The following RASGRP2 variants were observed in gnomAD, a reference collection of about 807,000 sequenced individuals.
RASGRP2 encodes the protein RAS guanyl-releasing protein 2.
A neutral mutation model predicts 71.0 loss-of-function variants in RASGRP2; 44 were observed. The ratio of observed to expected loss-of-function variants is 0.62; its 90% CI spans 0.49 to 0.80. The LOEUF is 0.80. RASGRP2 is among the 30% of genes least tolerant of loss of function. The pLI is 0.00. For missense variants in RASGRP2, 663 were observed against 813.4 expected, an observed-to-expected ratio of 0.82 and a Z score of 2.25; for synonymous variants, 350 against 330.7, an observed-to-expected ratio of 1.06 and a Z score of -0.63.
chr11:64,739,820 G>A lies in RASGRP2; in HGVS notation c.523-11C>T, dbSNP rs1197298751. The A allele has an allele frequency of 8.7e-6, 14 of 1,613,410 alleles. No individual in the cohort carries two copies. The highest frequency in any genetic ancestry group is 1.0e-5 in the Non-Finnish European group (12 of 1,179,876). Reference sequence around the variant, plus strand: ...GTGATAGTCCTGAAACTGGGGGCATGAGGAGTGGCCTCAGCACCTTGCTGG... The same window carrying A: ...GTGATAGTCCTGAAACTGGGGGCATAAGGAGTGGCCTCAGCACCTTGCTGG... On this transcript the variant is annotated splice_polypyrimidine_tract_variant and intron_variant, in intron 6 of 16. Transcript: ENST00000394432. This position sits in a 1 kb window ranked among gnomAD's most constrained non-coding sequence, Gnocchi z 4.2.
chr11:64,736,087 G>C, intron 9 of RASGRP2, 107 bp from the exon 10 acceptor site: 2 of 857,706 alleles, frequency 2.3e-6, no homozygotes, highest in South Asian at 2.8e-5. Flanking sequence ...GCTCGGGTCA[G>C]AAGCTAGACT....
chr11:64,735,310 G>A lies in RASGRP2; in HGVS notation c.1297-83C>T. On this transcript the variant is annotated intron_variant, in intron 11 of 16. Coordinates refer to ENST00000394432, the MANE Select transcript of RASGRP2 (RefSeq NM_001098671.2). The surrounding 1 kb of genome is among the most constrained non-coding windows in gnomAD (Gnocchi z 4.2). ...GGTCCTGTCCCTTCCCACGTTCCCA[G>A]TCCATTTGATGAGGTGTGTCTCAGA... 1 of 1,300,404 alleles carries A rather than the reference G, an allele frequency of 7.7e-7. No homozygotes were observed. The highest frequency in any genetic ancestry group is 1.1e-6 in the Non-Finnish European group (1 of 901,940). The allele number at this position is 1,300,404 out of a possible 1,614,324, so 80.6% of individuals were successfully genotyped here.
chr11:64,728,580 A>C (rs1420028149), intron 15 of RASGRP2, among the ~76,000 whole-genome samples: 14 of 151,328 alleles, frequency 9.3e-5, no homozygotes, highest in South Asian at 2.1e-4. Context: ...GGCGTCCGCC[A>C]CCACGCCTGG....
At chr11:64,730,914 G>A (rs371745383) in intron 12 of RASGRP2, among the ~76,000 whole-genome samples, 4 of 152,322 alleles carry the variant, frequency 2.6e-5, no homozygotes, top group Non-Finnish European at 4.4e-5. Flanking sequence ...AACAGTGTCT[G>A]CACAGATAGG....
chr11:64,737,273 G>T, intron 8 of RASGRP2: 1 of 565,124 alleles, frequency 1.8e-6, no homozygotes, highest in Non-Finnish European at 3.2e-6. Context: ...TGGATGCAGG[G>T]AATCATCAAC....
In RASGRP2 at chr11:64,727,088, A is replaced by G. The variant is rs1310842740; in HGVS notation, c.*50T>C. The stretch of plus-strand genomic sequence containing the variant: ...CCCCCAGGCTCCCTGCTCTGGTTGA[A>G]GTATTTTCTCCAAGGCAGGAATGAG... On this transcript the variant is annotated 3_prime_UTR_variant, in exon 17 of 17. Coordinates refer to ENST00000394432, the MANE Select transcript of RASGRP2 (RefSeq NM_001098671.2). The G allele has an allele frequency of 5.5e-6, 3 of 543,428 alleles. No individual in the cohort carries two copies. In the African/African-American group the frequency reaches 5.7e-5, roughly 10 times the overall value. 33.7% of individuals were successfully genotyped at this position (543,428 alleles called of 1,614,324 possible).
chr11:64,734,555 AT>A (rs1255399706), intron 12 of RASGRP2, among the ~76,000 whole-genome samples: 8 of 152,122 alleles, frequency 5.3e-5, no homozygotes, highest in Non-Finnish European at 7.4e-5. Context: ...AAAACAACAG[AT>A]TTTTGAAATA....
At position 64,735,027 on chromosome 11, in the gene RASGRP2, C is replaced by T; in HGVS notation, c.1412+85G>A. 1.9e-6 allele frequency: 2 copies of T among 1,076,778 alleles called. No homozygotes were observed. Among genetic ancestry groups the T allele is most frequent in the Admixed American group, 1.7e-5 (1 of 58,224 alleles). The allele number at this position is 1,076,778 out of a possible 1,614,324, so 66.7% of individuals were successfully genotyped here. ...GGCCAAGATCATCTGGCTCAGTGAC[C>T]TCATCTTGCACACAAGAAACTGAAG... On this transcript the variant is annotated intron_variant, in intron 12 of 16. Coordinates refer to ENST00000394432, the MANE Select transcript of RASGRP2 (RefSeq NM_001098671.2). The surrounding 1 kb of genome is among the most constrained non-coding windows in gnomAD (Gnocchi z 4.2).
Position 64,736,634 on chromosome 11 carries a change from G to A in RASGRP2, c.1095+119C>T, listed in dbSNP as rs1426768270. On this transcript the variant is annotated intron_variant, in intron 9 of 16. Coordinates refer to ENST00000394432, the MANE Select transcript of RASGRP2 (RefSeq NM_001098671.2). ...ATCCACTCCAAACCCCAGAGCCCAC[G>A]CTAGATCTCAGTTTCTTGGCCAGAA... 11 of 1,162,276 alleles carry A rather than the reference G, an allele frequency of 9.5e-6. No individual in the cohort carries two copies. The Admixed American group carries it at 1.2e-4, about 13-fold the overall frequency. 72.0% of individuals were successfully genotyped at this position (1,162,276 alleles called of 1,614,324 possible).
At chr11:64,740,325 C>A in intron 5 of RASGRP2, 162 bp from the exon 6 acceptor site, 1 of 839,540 alleles carries the variant, frequency 1.2e-6, no homozygotes, top group Non-Finnish European at 2.0e-6. Context: ...CTCATCTCCC[C>A]CGACCCCGTC....
Position 64,742,622 on chromosome 11 carries a change from G to T in RASGRP2, c.73+172C>A. ...GGGAAACCTCATCTGTCTGAAGGGCGTGCATCTCTCTGCCCTGCGTTGCGG... is the reference window on the plus strand; with the variant it reads ...GGGAAACCTCATCTGTCTGAAGGGCTTGCATCTCTCTGCCCTGCGTTGCGG... On this transcript the variant is annotated intron_variant, in intron 2 of 16. Coordinates refer to ENST00000394432, the MANE Select transcript of RASGRP2 (RefSeq NM_001098671.2). The surrounding 1 kb of genome is among the most constrained non-coding windows in gnomAD (Gnocchi z 4.7). 2.3e-6 allele frequency: 2 copies of T among 857,614 alleles called. No individual in the cohort carries two copies. The highest frequency in any genetic ancestry group is 3.7e-6 in the Non-Finnish European group (2 of 538,744). The allele number at this position is 857,614 out of a possible 1,614,324, so 53.1% of individuals were successfully genotyped here.
rs1204161637 is a variant in RASGRP2, at chr11:64,743,673, C to G, written c.-72+330G>C. On this transcript the variant is annotated intron_variant, in intron 1 of 16. Coordinates refer to ENST00000394432, the MANE Select transcript of RASGRP2 (RefSeq NM_001098671.2). The surrounding 1 kb of genome is among the most constrained non-coding windows in gnomAD (Gnocchi z 4.9). ...AGGCCCTCTTCCTCCCTATCCCCGG[C>G]TCCTGACCCTGGCCCCGGCCCCGCA... is the stretch of plus-strand genomic sequence containing the variant. 2 of 408,388 alleles carry G rather than the reference C, an allele frequency of 4.9e-6. No homozygotes were observed. Among genetic ancestry groups the G allele is most frequent in the African/African-American group, 4.3e-5 (2 of 46,798 alleles). The allele number at this position is 408,388 out of a possible 1,614,324, so 25.3% of individuals were successfully genotyped here.
chr11:64,729,872 G>C, intron 13 of RASGRP2, 74 bp from the exon 14 acceptor site: 2 of 1,595,936 alleles, frequency 1.3e-6, no homozygotes, highest in Non-Finnish European at 1.7e-6. Context: ...TCTTGAGGGT[G>C]AGACTAGGGC....
chr11:64,727,355 G>A lies in RASGRP2; in HGVS notation c.1777C>T (p.Arg593Cys), dbSNP rs144800583. 2.2e-4 allele frequency: 350 copies of A among 1,613,740 alleles called. 7 individuals are homozygous for A. In the South Asian group the frequency reaches 2.8e-3, roughly 13 times the overall value. Residue 593 changes from arginine to cysteine, a missense_variant, in exon 16 of 17, where the codon CGT (arginine) becomes TGT (cysteine). Transcript: ENST00000394432. ...GRRGSRPPEI[R>C]EEEVQTVEDG... ...TCCACCGTCTGTACCTCCTCCTCACGGATCTCTGCTGGGAGGGGGATTGCT... is the reference window on the plus strand; with the variant it reads ...TCCACCGTCTGTACCTCCTCCTCACAGATCTCTGCTGGGAGGGGGATTGCT...
At chr11:64,730,818 T>C (rs1221992982) in intron 12 of RASGRP2, among the ~76,000 whole-genome samples, 4 of 152,254 alleles carry the variant, frequency 2.6e-5, no homozygotes, top group Non-Finnish European at 4.4e-5. Flanking sequence ...CTCCGTTTCC[T>C]TATCTATAAA....
intron 12 of RASGRP2, among the ~76,000 whole-genome samples, chr11:64,734,770 A>G (rs968803413): frequency 1.3e-5 from 2 of 152,148 alleles, no homozygotes; most frequent in African/African-American, 4.8e-5. Flanking sequence ...TTTCTTATCT[A>G]TTCATTAGAA....
At chr11:64,740,394 TG>T in intron 5 of RASGRP2, 1 of 691,088 alleles carries the variant, frequency 1.4e-6, no homozygotes. Flanking sequence ...TGCTAGGCGC[TG>T]GGAATACAGA....
At chr11:64,744,215 C>A (rs1035192384), upstream of RASGRP2, 45 of 985,806 alleles carry the variant, frequency 4.6e-5, no homozygotes, top group Non-Finnish European at 5.1e-5. Context: ...TCCGTCGCCC[C>A]CCTCCCATTT....
chr11:64,742,793 C>T lies in RASGRP2; in HGVS notation c.73+1G>A. On this transcript the variant is annotated splice_donor_variant, in intron 2 of 16. Transcript: ENST00000394432. LOFTEE classifies it high-confidence loss of function. This position sits in a 1 kb window ranked among gnomAD's most constrained non-coding sequence, Gnocchi z 4.7. ...TCCGTGTGCCCTCCCGAGCCACTCA[C>T]CGAAGGCTTCGATGCACCCGCGGAG... The T allele has an allele frequency of 1.2e-6, 2 of 1,607,084 alleles. No individual in the cohort carries two copies. The highest frequency in any genetic ancestry group is 1.7e-6 in the Non-Finnish European group (2 of 1,177,572).
Sources: allele counts gnomAD v4.1 joint callset (sites outside exome capture counted in the v4.1 genomes callset), GRCh38; gene constraint gnomAD v4.1.1; non-coding constraint Gnocchi (gnomAD v3.1); transcripts MANE v1.5; gene names NCBI Gene and HGNC (gene_info 2026-07-23, HGNC 2026-07-21).